MAP7D2: variants seen among roughly 807,000 people sequenced by gnomAD.
MAP7D2 encodes the protein MAP7 domain containing 2, also known as MAP7 domain-containing protein 2.
MAP7D2 carries 33 observed loss-of-function variants against 63.5 expected under a neutral mutation model. The observed-to-expected ratio is 0.52, with a 90% confidence interval of 0.39 to 0.70. MAP7D2 has a LOEUF of 0.70. Ranked by LOEUF, MAP7D2 falls within the 30% of genes least tolerant of loss-of-function variation. The probability of loss-of-function intolerance (pLI) is 0.00; values close to 1 mark genes in which losing one functional copy is unlikely to be tolerated. For synonymous variants in MAP7D2, 224 were observed against 223.7 expected (o/e 1.00, Z -0.01); for missense variants, 626 against 604.0 (o/e 1.04, Z -0.38).
At chrX:20,050,768 C>T in intron 6 of MAP7D2, 56 bp downstream of exon 6, 3 of 1,108,866 alleles carry the variant, frequency 2.7e-6, no homozygotes, top group Non-Finnish European at 3.5e-6. Context: ...AAATCCTAGG[C>T]TGACCAACAC....
intron 3 of MAP7D2, among the ~76,000 whole-genome samples, chrX:20,061,926 G>A (rs2065234629): frequency 8.9e-6 from 1 of 112,120 alleles, no homozygotes; most frequent in South Asian, 3.7e-4. Context: ...AGTCATCAAG[G>A]AATGGAGGAT....
intron 8 of MAP7D2, among the ~76,000 whole-genome samples, chrX:20,027,757 G>GGAGA (rs56796954): frequency 0.025 from 1,903 of 76,227 alleles, 102 homozygotes; most frequent in Non-Finnish European, 0.037. Flanking sequence ...GAAGGCGGGG[G>GGAGA]GAGAGAGAGA....
Position 20,080,027 on chromosome X carries a change from G to A in MAP7D2, c.131-15222C>T, listed in dbSNP as rs780933651. Among the ~76,000 whole-genome samples the A allele has an allele frequency of 4.6e-4, 51 of 111,400 alleles. 1 individual carries two copies. Among genetic ancestry groups the A allele is most frequent in the Middle Eastern group, 4.7e-3 (1 of 213 alleles). Reference sequence around the variant, plus strand: ...AATTAAACTCAACTGATTATCTACCGGGCACCATGATATGAAAGCTTAGCT... The same window carrying A: ...AATTAAACTCAACTGATTATCTACCAGGCACCATGATATGAAAGCTTAGCT... On this transcript the variant is annotated intron_variant, in intron 1 of 16. Transcript: ENST00000379643.
intron 1 of MAP7D2, among the ~76,000 whole-genome samples, chrX:20,088,529 T>TGCCCTGGCTGGTCTCA (rs1272003299): frequency 2.2e-5 from 2 of 89,772 alleles, no homozygotes; most frequent in African/African-American, 4.0e-5. Flanking sequence ...CCTACCATCT[T>TGCCCTGGCTGGTCTCA]GCCCTGGCTG....
chrX:20,111,287 C>T (rs909504137), intron 1 of MAP7D2, among the ~76,000 whole-genome samples: 1 of 111,738 alleles, frequency 8.9e-6, no homozygotes, highest in African/African-American at 3.3e-5. Context: ...CCATTACTGT[C>T]TGGGAAGCTA....
intron 1 of MAP7D2, among the ~76,000 whole-genome samples, chrX:20,068,922 G>C (rs1366302940): frequency 9.0e-6 from 1 of 111,715 alleles, no homozygotes; most frequent in South Asian, 3.8e-4. Context: ...TTCTGCGTTT[G>C]CATCTTCCTC....
chrX:20,057,547 CA>C (rs2065097076), intron 3 of MAP7D2, among the ~76,000 whole-genome samples: 1 of 111,556 alleles, frequency 9.0e-6, no homozygotes, highest in African/African-American at 3.3e-5. Flanking sequence ...CTGTATTACC[CA>C]AATTGTTACT....
intron 10 of MAP7D2, among the ~76,000 whole-genome samples, chrX:20,018,474 A>C (rs1603351908): frequency 5.2e-5 from 4 of 76,335 alleles, no homozygotes; most frequent in African/African-American, 1.7e-4. Flanking sequence ...ATGGAGTCTC[A>C]CTCTGTTGCC....
At chrX:20,032,302 A>G (rs1327275815) in intron 8 of MAP7D2, among the ~76,000 whole-genome samples, 1 of 112,001 alleles carries the variant, frequency 8.9e-6, no homozygotes, top group Non-Finnish European at 1.9e-5. Context: ...AAAGCCTACT[A>G]GAGAATGATG....
At chrX:20,055,731 T>C (rs1222971279) in intron 4 of MAP7D2, 4 of 980,660 alleles carry the variant, frequency 4.1e-6, no homozygotes, top group South Asian at 3.9e-5. Context: ...TGCTCGGATA[T>C]ACCGTTGGTG....
intron 6 of MAP7D2, among the ~76,000 whole-genome samples, chrX:20,047,585 G>T (rs1438835762): frequency 1.9e-5 from 2 of 107,085 alleles, no homozygotes; most frequent in Non-Finnish European, 3.9e-5. Context: ...GCCGAGGTGG[G>T]AGGATCGCTT....
chrX:20,101,611 G>T (rs767585334), intron 1 of MAP7D2, among the ~76,000 whole-genome samples: 1 of 112,109 alleles, frequency 8.9e-6, no homozygotes, highest in Non-Finnish European at 1.9e-5. Context: ...GCTCATAAAA[G>T]TTTTAGTCAA....
chrX:20,030,936 A>G (rs985802009), intron 8 of MAP7D2, among the ~76,000 whole-genome samples: 2 of 112,048 alleles, frequency 1.8e-5, no homozygotes, highest in Middle Eastern at 4.2e-3. Flanking sequence ...CAATCAGAGG[A>G]AACGTCAGGC....
At chrX:20,077,925 G>A (rs1047146950) in intron 1 of MAP7D2, among the ~76,000 whole-genome samples, 9 of 112,057 alleles carry the variant, frequency 8.0e-5, no homozygotes, top group Admixed American at 3.8e-4. Flanking sequence ...GTAGACACAC[G>A]CCCTTTATGG....
chrX:20,022,814 T>A (rs2148171092), intron 10 of MAP7D2, among the ~76,000 whole-genome samples: 1 of 112,421 alleles, frequency 8.9e-6, no homozygotes, highest in Admixed American at 9.4e-5. Context: ...CAGCTGGAAA[T>A]ACAGTCTCTA....
At chrX:20,106,584 C>T (rs1445277778) in intron 1 of MAP7D2, among the ~76,000 whole-genome samples, 1 of 112,103 alleles carries the variant, frequency 8.9e-6, no homozygotes, top group Non-Finnish European at 1.9e-5. Context: ...TGCTCTAGGT[C>T]AGTGCCGTAC....
At chrX:20,108,232 TTA>T (rs2066623624) in intron 1 of MAP7D2, among the ~76,000 whole-genome samples, 1 of 45,024 alleles carries the variant, frequency 2.2e-5, no homozygotes, top group Admixed American at 3.8e-4. Context: ...TGCTTCTTTT[TTA>T]TTTTATTTTT....
rs760786258 is a variant in MAP7D2, at chrX:20,116,891, G to A, written c.-12C>T. On this transcript the variant is annotated 5_prime_UTR_variant, in exon 1 of 17. Coordinates refer to ENST00000379643, the MANE Select transcript of MAP7D2 (RefSeq NM_001168465.2). ...CCGCCGCGCTCCATCGGGATGCGCCGGCCGCACAGGCGCACTGCCAAGCCC... is the reference window on the plus strand; with the variant it reads ...CCGCCGCGCTCCATCGGGATGCGCCAGCCGCACAGGCGCACTGCCAAGCCC... 6 of 1,096,080 alleles carry A rather than the reference G, an allele frequency of 5.5e-6. No individual in the cohort carries two copies. Among genetic ancestry groups the A allele is most frequent in the Non-Finnish European group, 7.1e-6 (6 of 839,975 alleles). 90.3% of individuals were successfully genotyped at this position (1,096,080 alleles called of 1,213,427 possible).
At chrX:20,029,877 C>T (rs1332796282) in intron 8 of MAP7D2, among the ~76,000 whole-genome samples, 2 of 110,864 alleles carry the variant, frequency 1.8e-5, no homozygotes, top group Non-Finnish European at 3.8e-5. Flanking sequence ...AAGTTTCCTG[C>T]TCATCCTGCT....
Sources: allele counts gnomAD v4.1 joint callset (sites outside exome capture counted in the v4.1 genomes callset), GRCh38; gene constraint gnomAD v4.1.1; transcripts MANE v1.5; gene names NCBI Gene and HGNC (gene_info 2026-07-23, HGNC 2026-07-21).